Variants in GRIK2 observed in about 807,000 individuals in gnomAD.
The protein encoded by GRIK2 is glutamate ionotropic receptor kainate type subunit 2.
In GRIK2, 32 loss-of-function variants were observed where a neutral mutation model predicts 100.3. The ratio of observed to expected loss-of-function variants is 0.32; its 90% CI spans 0.24 to 0.43. The LOEUF is 0.43. GRIK2 is among the 20% of genes least tolerant of loss of function. The probability of loss-of-function intolerance (pLI) is 1.00; values close to 1 mark genes in which losing one functional copy is unlikely to be tolerated. For synonymous variants in GRIK2, 417 were observed against 389.4 expected (o/e 1.07, Z -0.83); for missense variants, 843 against 1,114.9 (o/e 0.76, Z 3.47).
Position 101,924,590 on chromosome 6 carries a change from A to T in GRIK2, c.1749-11A>T, listed in dbSNP as rs1397510254. 7.5e-7 allele frequency: 1 copy of T among 1,340,836 alleles called. No homozygotes were observed. Among genetic ancestry groups the T allele is most frequent in the Non-Finnish European group, 1.1e-6 (1 of 935,278 alleles). The allele number at this position is 1,340,836 out of a possible 1,614,324, so 83.1% of individuals were successfully genotyped here. A position where few individuals can be genotyped will look rare whatever the true frequency, so the allele number is the denominator to read the frequency against. ...ATTTAAATGTATTCTTTTTTCTGTC[A>T]ATTACCACAGGTTTAGTCCTTATGA... On this transcript the variant is annotated splice_polypyrimidine_tract_variant and intron_variant, in intron 12 of 16. Coordinates refer to ENST00000369134, the MANE Select transcript of GRIK2 (RefSeq NM_021956.5).
chr6:101,492,102 A>G (rs1773156387), intron 2 of GRIK2, among the ~76,000 whole-genome samples: 1 of 151,926 alleles, frequency 6.6e-6, no homozygotes, highest in Admixed American at 6.6e-5. Context: ...AAATAAATGT[A>G]CTTATTATTG....
intron 7 of GRIK2, among the ~76,000 whole-genome samples, chr6:101,728,965 T>G (rs1775067816): frequency 6.6e-6 from 1 of 152,098 alleles, no homozygotes; most frequent in Non-Finnish European, 1.5e-5. Context: ...AAAAGCAATT[T>G]TTTTTTGACA....
intron 7 of GRIK2, among the ~76,000 whole-genome samples, chr6:101,738,352 T>C (rs368569440): frequency 1.3e-5 from 2 of 152,176 alleles, no homozygotes; most frequent in Non-Finnish European, 1.5e-5. Flanking sequence ...ATCTCTCTCT[T>C]TAATTCTTTT....
At chr6:102,037,003 G>A (rs1443922179) in intron 15 of GRIK2, among the ~76,000 whole-genome samples, 1 of 150,970 alleles carries the variant, frequency 6.6e-6, no homozygotes, top group Non-Finnish European at 1.5e-5. Flanking sequence ...TTGATTTCTG[G>A]CAACTCTGAA....
At chr6:101,685,988 G>A (rs775036914) in intron 6 of GRIK2, among the ~76,000 whole-genome samples, 192 bp from the exon 7 acceptor site, 3 of 151,848 alleles carry the variant, frequency 2.0e-5, no homozygotes, top group Non-Finnish European at 2.9e-5. Context: ...TTTTACATAC[G>A]GAGCATGTAT....
At chr6:101,912,097 CACAAACACACACACAG>C (rs760776078) in intron 12 of GRIK2, among the ~76,000 whole-genome samples, 14,200 of 45,034 alleles carry the variant, frequency 0.32, 837 homozygotes, top group South Asian at 0.36. Flanking sequence ...AACACACACA[CACAAACACACACACAG>C]AGACCGAGAG....
chr6:101,836,482 GATA>G (rs58410507), intron 10 of GRIK2, among the ~76,000 whole-genome samples: 43,089 of 150,368 alleles, frequency 0.29, 8,959 homozygotes, highest in East Asian at 0.68. Context: ...AAATGATAGT[GATA>G]ATATTTTGAT....
At chr6:101,988,102 TG>T (rs1794122266) in intron 14 of GRIK2, among the ~76,000 whole-genome samples, 1 of 32,774 alleles carries the variant, frequency 3.1e-5, no homozygotes, top group Non-Finnish European at 6.6e-5. Flanking sequence ...TGTGTGTGTG[TG>T]TGTGTGTGTG....
At chr6:101,941,046 G>A (rs1284430586) in intron 14 of GRIK2, among the ~76,000 whole-genome samples, 1 of 152,056 alleles carries the variant, frequency 6.6e-6, no homozygotes, top group Non-Finnish European at 1.5e-5. Flanking sequence ...GCAATGATTT[G>A]ATTCAGTTTA....
intron 2 of GRIK2, among the ~76,000 whole-genome samples, chr6:101,492,063 T>A (rs746388140): frequency 3.9e-5 from 6 of 151,990 alleles, no homozygotes; most frequent in Non-Finnish European, 8.8e-5. Context: ...AATCACTTAG[T>A]TAAGGTGGTA....
chr6:101,927,329 A>T (rs1789965906), intron 13 of GRIK2: 1 of 754,028 alleles, frequency 1.3e-6, no homozygotes, highest in Non-Finnish European at 1.6e-6. Context: ...TATACTAAAG[A>T]TATGACTGTA....
intron 15 of GRIK2, among the ~76,000 whole-genome samples, chr6:102,049,009 AT>A (rs957596449): frequency 6.6e-6 from 1 of 152,040 alleles, no homozygotes; most frequent in Non-Finnish European, 1.5e-5. Context: ...CAAAAAGCAT[AT>A]TTTTATTATT....
chr6:101,889,605 C>CTTTTT lies in GRIK2; in HGVS notation c.1525-23_1525-19dup, dbSNP rs2243354. 3.0e-4 allele frequency: 216 copies of CTTTTT among 712,410 alleles called. 4 individuals carry two copies. Among genetic ancestry groups the CTTTTT allele is most frequent in the African/African-American group, 1.2e-3 (61 of 49,900 alleles). The allele number at this position is 712,410 out of a possible 1,614,324, so 44.1% of individuals were successfully genotyped here. ...CAATTTTTTCTCTCTTTCTTTCTTT[C>CTTTTT]TTTTTTTTTTTTTTTTGTTTGTTTC... On this transcript the variant is annotated intron_variant, in intron 11 of 16. Coordinates refer to ENST00000369134, the MANE Select transcript of GRIK2 (RefSeq NM_021956.5).
rs907076833 is a variant in GRIK2 at position 101,892,770 on chromosome 6, A to G, written c.1748+2907A>G. On this transcript the variant is annotated intron_variant, in intron 12 of 16. Coordinates refer to ENST00000369134, the MANE Select transcript of GRIK2 (RefSeq NM_021956.5). ...TAATATTAGAGATTCTTGGTAAAGTAATAACACAAGGATAAATATTTTCTG... is the reference window on the plus strand; with the variant it reads ...TAATATTAGAGATTCTTGGTAAAGTGATAACACAAGGATAAATATTTTCTG... Among the ~76,000 whole-genome samples, 75 of 151,928 alleles carry G rather than the reference A, an allele frequency of 4.9e-4. 1 individual carries two copies. The highest frequency in any genetic ancestry group is 1.8e-3 in the African/African-American group (74 of 41,568).
At chr6:101,601,997 C>A (rs1445798760) in intron 2 of GRIK2, among the ~76,000 whole-genome samples, 1 of 151,524 alleles carries the variant, frequency 6.6e-6, no homozygotes, top group African/African-American at 2.4e-5. Context: ...TTTCTATTAT[C>A]CCTAGGAGTG....
At chr6:101,441,689 G>T in intron 2 of GRIK2, among the ~76,000 whole-genome samples, 1 of 151,982 alleles carries the variant, frequency 6.6e-6, no homozygotes, top group East Asian at 1.9e-4. Context: ...TTTGTTACAT[G>T]AGTAAACATG....
chr6:101,491,346 C>T (rs1773101199), intron 2 of GRIK2, among the ~76,000 whole-genome samples: 1 of 151,038 alleles, frequency 6.6e-6, no homozygotes. Flanking sequence ...TTTATACCGT[C>T]AATGTGGATG....
At chr6:101,840,055 T>TC (rs1290424740) in intron 10 of GRIK2, among the ~76,000 whole-genome samples, 1 of 152,140 alleles carries the variant, frequency 6.6e-6, no homozygotes, top group African/African-American at 2.4e-5. Context: ...CATACGTGTT[T>TC]CAGTACATTT....
chr6:101,824,167 G>A (rs1007936071), intron 10 of GRIK2, among the ~76,000 whole-genome samples: 6 of 152,020 alleles, frequency 3.9e-5, no homozygotes, highest in South Asian at 2.1e-4. Context: ...TTACAGGTGT[G>A]AGCCACCATG....
Sources: gnomAD v4.1 joint callset for allele counts (sites outside exome capture counted in the v4.1 genomes callset) on GRCh38, gnomAD v4.1.1 for gene constraint, MANE v1.5 for transcripts, NCBI Gene and HGNC (gene_info 2026-07-23, HGNC 2026-07-21) for gene names.